The following PDE4D variants were observed in gnomAD, a reference collection of about 807,000 sequenced individuals.
PDE4D encodes the protein phosphodiesterase 4D.
A neutral mutation model predicts 87.4 loss-of-function variants in PDE4D; 24 were observed. That is an observed-to-expected ratio of 0.27 (90% confidence interval 0.20 to 0.39). PDE4D has a LOEUF of 0.39. Ranked by LOEUF, PDE4D falls within the 10% of genes least tolerant of loss-of-function variation. The pLI is 1.00. For synonymous variants in PDE4D, 384 were observed against 383.2 expected, an observed-to-expected ratio of 1.00 and a Z score of -0.02; for missense variants, 714 against 1,041.0, an observed-to-expected ratio of 0.69 and a Z score of 4.32.
intron 5 of PDE4D, among the ~76,000 whole-genome samples, chr5:59,071,873 G>C (rs374501648): frequency 6.6e-6 from 1 of 151,654 alleles, no homozygotes; most frequent in Non-Finnish European, 1.5e-5. Flanking sequence ...ATTTTTAGTA[G>C]AGACGGGGTT....
At chr5:59,396,498 G>A (rs1411216873) in intron 1 of PDE4D, among the ~76,000 whole-genome samples, 1 of 85,094 alleles carries the variant, frequency 1.2e-5, no homozygotes, top group African/African-American at 6.0e-5. Flanking sequence ...CATAAGTGAA[G>A]GAGAAATAAA....
At chr5:60,290,336 C>T (rs1017452585) in intron 1 of PDE4D, among the ~76,000 whole-genome samples, 1 of 151,730 alleles carries the variant, frequency 6.6e-6, no homozygotes, top group African/African-American at 2.4e-5. Flanking sequence ...CTGAAGATCT[C>T]AAGGAAACAA....
chr5:60,497,368 C>T (rs142675246), intron 1 of PDE4D, among the ~76,000 whole-genome samples: 2 of 152,098 alleles, frequency 1.3e-5, no homozygotes, highest in East Asian at 3.9e-4. Flanking sequence ...TATGTATTGG[C>T]CGCTTGCAAT....
At chr5:60,287,858 G>A (rs1752549414) in intron 1 of PDE4D, among the ~76,000 whole-genome samples, 2 of 152,138 alleles carry the variant, frequency 1.3e-5, no homozygotes, top group South Asian at 4.1e-4. Context: ...TGCTATTTGT[G>A]TACATTTGTT....
chr5:60,480,693 T>A (rs765204171), intron 1 of PDE4D, among the ~76,000 whole-genome samples: 23 of 152,190 alleles, frequency 1.5e-4, no homozygotes, highest in Non-Finnish European at 2.9e-4. Flanking sequence ...GAGGCATTAC[T>A]TTATACCTAT....
chr5:60,287,674 C>T (rs35250060), intron 1 of PDE4D, among the ~76,000 whole-genome samples: 24,297 of 152,102 alleles, frequency 0.16, 2,204 homozygotes, highest in South Asian at 0.29. Context: ...CAATATCCAA[C>T]CTTGCCTCAA....
chr5:59,242,833 T>C (rs1335366648), intron 1 of PDE4D, among the ~76,000 whole-genome samples: 11 of 152,168 alleles, frequency 7.2e-5, no homozygotes. Context: ...TATGGACAGA[T>C]GTAGAGCCAG....
chr5:59,208,315 G>A (rs372997581), intron 2 of PDE4D, among the ~76,000 whole-genome samples: 5 of 152,162 alleles, frequency 3.3e-5, no homozygotes, highest in East Asian at 1.9e-4. Context: ...AATGAATTAC[G>A]TATATGTTTG....
chr5:59,473,346 T>C (rs999197733), intron 1 of PDE4D, among the ~76,000 whole-genome samples: 1 of 152,066 alleles, frequency 6.6e-6, no homozygotes, highest in Non-Finnish European at 1.5e-5. Context: ...TATCACATTA[T>C]TACAATAATG....
At chr5:59,697,873 C>T (rs1752009547) in intron 1 of PDE4D, among the ~76,000 whole-genome samples, 1 of 152,122 alleles carries the variant, frequency 6.6e-6, no homozygotes, top group Non-Finnish European at 1.5e-5. Context: ...ATGGATCTAG[C>T]CCTTGGTCCT....
chr5:60,364,567 C>T (rs1175977120), intron 1 of PDE4D, among the ~76,000 whole-genome samples: 1 of 151,976 alleles, frequency 6.6e-6, no homozygotes, highest in Non-Finnish European at 1.5e-5. Flanking sequence ...TTGATAAAAA[C>T]TTAAAGGTTT....
At chr5:60,315,060 C>T (rs1020499377) in intron 1 of PDE4D, among the ~76,000 whole-genome samples, 2 of 152,220 alleles carry the variant, frequency 1.3e-5, no homozygotes, top group Non-Finnish European at 2.9e-5. Flanking sequence ...GGAATCACCA[C>T]ACTGTCTTCC....
intron 2 of PDE4D, among the ~76,000 whole-genome samples, chr5:59,994,038 A>G (rs1392366724): frequency 6.6e-6 from 1 of 150,442 alleles, no homozygotes; most frequent in African/African-American, 2.5e-5. Context: ...TGAATGTTAA[A>G]TTTATTATTA....
chr5:60,064,210 G>A (rs145126672), intron 2 of PDE4D, among the ~76,000 whole-genome samples: 300 of 151,754 alleles, frequency 2.0e-3, no homozygotes, highest in African/African-American at 6.5e-3. Context: ...TAATACTTAC[G>A]GAGGGTTTAC....
At chr5:60,519,639 A>G (rs1253273258) in intron 1 of PDE4D, among the ~76,000 whole-genome samples, 2 of 152,212 alleles carry the variant, frequency 1.3e-5, no homozygotes, top group African/African-American at 4.8e-5. Flanking sequence ...CCAAAAGCCA[A>G]ACTTAGAGGC....
upstream of PDE4D, among the ~76,000 whole-genome samples, chr5:59,894,207 G>C (rs890945896): frequency 3.8e-4 from 58 of 152,206 alleles, 1 homozygote; most frequent in South Asian, 8.3e-4. Flanking sequence ...CCTCCACACT[G>C]CTCCCCACTG....
intron 1 of PDE4D, among the ~76,000 whole-genome samples, chr5:59,842,422 A>C (rs1312636535): frequency 3.3e-5 from 5 of 152,040 alleles, no homozygotes; most frequent in Admixed American, 3.3e-4. Flanking sequence ...GTACCAATGA[A>C]ATAAAACGTG....
In PDE4D at chr5:59,322,615, C is replaced by T. The variant is rs1403881187; in HGVS notation, c.456-106647G>A. 8.5e-5 allele frequency among the ~76,000 whole-genome samples: 13 copies of T among 152,200 alleles called. No individual in the cohort carries two copies. In the East Asian group the frequency reaches 2.3e-3, roughly 27 times the overall value. On this transcript the variant is annotated intron_variant, in intron 1 of 14. Coordinates refer to ENST00000340635, the MANE Select transcript of PDE4D (RefSeq NM_001104631.2). Reference sequence around the variant, plus strand: ...TATTTACATTATGTTTTAGGCATTGCAGCATATATTCACCATCCTTTTCTT... The same window carrying T: ...TATTTACATTATGTTTTAGGCATTGTAGCATATATTCACCATCCTTTTCTT...
rs902919245 is a variant in PDE4D at position 59,132,438 on chromosome 5, C to T, written c.808+48157G>A. ...GGAACAAATGTGGGGAAGTACTGAC[C>T]TAAATAACTTTTACGTGATTCAGTA... On this transcript the variant is annotated intron_variant, in intron 5 of 14. Transcript: ENST00000340635. Among the ~76,000 whole-genome samples the T allele has an allele frequency of 2.6e-4, 39 of 152,092 alleles. 1 individual carries two copies. Among genetic ancestry groups the T allele is most frequent in the Admixed American group, 2.5e-3 (38 of 15,260 alleles).
Sources: allele counts gnomAD v4.1 joint callset (sites outside exome capture counted in the v4.1 genomes callset), GRCh38; gene constraint gnomAD v4.1.1; transcripts MANE v1.5; gene names NCBI Gene and HGNC (gene_info 2026-07-23, HGNC 2026-07-21).